Variants in OTUD7A observed in about 807,000 individuals in gnomAD.
The protein encoded by OTUD7A is OTU domain-containing protein 7A.
Under a neutral mutation model 65.7 loss-of-function variants are expected in OTUD7A, and 12 were observed. The observed-to-expected ratio is 0.18, with a 90% CI of 0.12 to 0.30. The LOEUF (loss-of-function observed/expected upper bound fraction) is 0.30. Ranked by LOEUF, OTUD7A falls within the 10% of genes least tolerant of loss-of-function variation. The pLI is 1.00. For synonymous variants in OTUD7A, 641 were observed against 586.3 expected, an observed-to-expected ratio of 1.09 and a Z score of -1.35; for missense variants, 1,148 against 1,304.8, an observed-to-expected ratio of 0.88 and a Z score of 1.85.
At chr15:31,536,527 A>G (rs896796292) in intron 5 of OTUD7A, among the ~76,000 whole-genome samples, 5 of 152,248 alleles carry the variant, frequency 3.3e-5, no homozygotes, top group African/African-American at 1.2e-4. Context: ...TTAATCAAAA[A>G]TTCTTTAAAA....
chr15:31,856,667 T>C (rs1897582835), intron 1 of OTUD7A, among the ~76,000 whole-genome samples: 2 of 152,198 alleles, frequency 1.3e-5, no homozygotes, highest in Admixed American at 1.3e-4. Context: ...CGGCTTCTTC[T>C]CAACCCCTCC....
At chr15:31,555,423 T>C (rs965559715) in intron 5 of OTUD7A, among the ~76,000 whole-genome samples, 1 of 152,234 alleles carries the variant, frequency 6.6e-6, no homozygotes, top group African/African-American at 2.4e-5. Context: ...ATAAAGATTC[T>C]AAGCACTAAG....
chr15:31,545,475 G>C (rs1354588781), intron 5 of OTUD7A, among the ~76,000 whole-genome samples: 2 of 152,012 alleles, frequency 1.3e-5, no homozygotes, highest in Non-Finnish European at 2.9e-5. Context: ...AGTGAAAAGG[G>C]AACCAGTAGG....
chr15:31,836,121 C>T (rs892571395), intron 1 of OTUD7A, among the ~76,000 whole-genome samples: 1 of 149,884 alleles, frequency 6.7e-6, no homozygotes, highest in Non-Finnish European at 1.5e-5. Flanking sequence ...CCTGTGATAA[C>T]ACCACCGAGA....
Position 31,756,627 on chromosome 15 carries a change from AACACACACACACACACACACACAC to A in OTUD7A, c.-99-99574_-99-99551del, listed in dbSNP as rs56792926. Among the ~76,000 whole-genome samples, 369 of 138,462 alleles carry A rather than the reference AACACACACACACACACACACACAC, an allele frequency of 2.7e-3. 1 individual carries two copies. The highest frequency in any genetic ancestry group is 6.2e-3 in the South Asian group (25 of 4,032). 90.8% of individuals were successfully genotyped at this position (138,462 alleles called of 152,430 possible). A position where few individuals can be genotyped will look rare whatever the true frequency, so the allele number is the denominator to read the frequency against. ...GAATGCATAAAAACCCAGTGTACCC[AACACACACACACACACACACACAC>A]ACACACACACACACACACACACACA... On this transcript the variant is annotated intron_variant, in intron 1 of 12. Transcript: ENST00000307050.
intron 8 of OTUD7A, among the ~76,000 whole-genome samples, chr15:31,508,134 G>A (rs59443429): frequency 0.015 from 2,237 of 152,266 alleles, 60 homozygotes; most frequent in African/African-American, 0.052. Context: ...ATAAGGAAAG[G>A]AAAGGAAGTA....
intron 8 of OTUD7A, among the ~76,000 whole-genome samples, chr15:31,520,894 C>T (rs576623139): frequency 5.3e-5 from 8 of 152,082 alleles, no homozygotes; most frequent in South Asian, 4.1e-4. Context: ...TGTCCATCAA[C>T]GTAGGATTAG....
chr15:31,727,426 T>TTC (rs1555411284), intron 1 of OTUD7A, among the ~76,000 whole-genome samples: 1 of 151,326 alleles, frequency 6.6e-6, no homozygotes, highest in Admixed American at 6.6e-5. Context: ...CTCCTTTTTT[T>TTC]CCCCACTGCT....
At chr15:31,840,445 AAAAAAT>A (rs953193192) in intron 1 of OTUD7A, among the ~76,000 whole-genome samples, 2 of 149,170 alleles carry the variant, frequency 1.3e-5, no homozygotes, top group African/African-American at 2.4e-5. Flanking sequence ...CTCAAAAATT[AAAAAAT>A]AAAAATAAAA....
At chr15:31,508,874 G>C (rs2141092184) in intron 8 of OTUD7A, among the ~76,000 whole-genome samples, 1 of 152,384 alleles carries the variant, frequency 6.6e-6, no homozygotes, top group South Asian at 2.1e-4. Flanking sequence ...TTAAGGTCTT[G>C]GCTTTTTTGT....
Position 31,481,118 on chromosome 15 carries a change from T to C in OTUD7A, c.*2176A>G, listed in dbSNP as rs2041111447. On this transcript the variant is annotated 3_prime_UTR_variant, in exon 13 of 13. Transcript: ENST00000307050. ...GGCAGATAGCGTGAGAAAGAAAATA[T>C]CTGAATTAGCATAGCCAGTTTTAGA... 1 of 152,270 alleles carries C rather than the reference T, an allele frequency of 6.6e-6. No homozygotes were observed. Among genetic ancestry groups the C allele is most frequent in the South Asian group, 2.1e-4 (1 of 4,836 alleles). The allele number at this position is 152,270 out of a possible 1,614,324, so 9.4% of individuals were successfully genotyped here.
chr15:31,725,068 C>G (rs2141353220), intron 1 of OTUD7A, among the ~76,000 whole-genome samples: 1 of 152,136 alleles, frequency 6.6e-6, no homozygotes, highest in East Asian at 1.9e-4. Flanking sequence ...TGGGACTGCT[C>G]CAGACACAAA....
intron 3 of OTUD7A, among the ~76,000 whole-genome samples, chr15:31,571,891 T>C (rs1051667957): frequency 3.3e-5 from 5 of 152,294 alleles, no homozygotes; most frequent in East Asian, 1.9e-4. Context: ...AATTCTAACA[T>C]GGATATTTTC....
chr15:31,861,180 G>A (rs1897732192), intron 1 of OTUD7A, among the ~76,000 whole-genome samples: 1 of 152,078 alleles, frequency 6.6e-6, no homozygotes. Context: ...GTAGGCAGCT[G>A]CGGTTCTTCA....
chr15:31,621,816 A>G lies in OTUD7A; in HGVS notation c.151+33280T>C, dbSNP rs534255128. Among the ~76,000 whole-genome samples, 18 of 150,138 alleles carry G rather than the reference A, an allele frequency of 1.2e-4. No individual in the cohort carries two copies. The South Asian group carries it at 3.4e-3, about 28-fold the overall frequency. Reference sequence around the variant, plus strand: ...AATCTGATACTGCCATTATGATGTTAGCTGGTTATTTTGCTCGTTAGTTGA... The same window carrying G: ...AATCTGATACTGCCATTATGATGTTGGCTGGTTATTTTGCTCGTTAGTTGA... On this transcript the variant is annotated intron_variant, in intron 3 of 12. Coordinates refer to ENST00000307050, the MANE Select transcript of OTUD7A (RefSeq NM_001382637.1).
chr15:31,736,929 C>G (rs1368523451), intron 1 of OTUD7A, among the ~76,000 whole-genome samples: 1 of 152,012 alleles, frequency 6.6e-6, no homozygotes, highest in African/African-American at 2.4e-5. Context: ...TCAAGTGATT[C>G]TCCTGCCTCA....
At chr15:31,501,552 C>A in intron 10 of OTUD7A, 138 bp downstream of exon 10, 1 of 1,068,724 alleles carries the variant, frequency 9.4e-7, no homozygotes, top group Non-Finnish European at 1.3e-6. Flanking sequence ...TATGCAAAAA[C>A]TGTCACTGCT....
chr15:31,689,111 T>A (rs1469530630), intron 1 of OTUD7A, among the ~76,000 whole-genome samples: 1 of 146,034 alleles, frequency 6.8e-6, no homozygotes, highest in Non-Finnish European at 1.5e-5. Context: ...ATAAATCAAG[T>A]CACTTGTCAA....
At chr15:31,738,941 C>T (rs1484578044) in intron 1 of OTUD7A, among the ~76,000 whole-genome samples, 1 of 152,210 alleles carries the variant, frequency 6.6e-6, no homozygotes, top group African/African-American at 2.4e-5. Context: ...TGCCACATGG[C>T]ATCAGATCAG....
Sources: allele counts gnomAD v4.1 joint callset (sites outside exome capture counted in the v4.1 genomes callset), GRCh38; gene constraint gnomAD v4.1.1; transcripts MANE v1.5; gene names NCBI Gene and HGNC (gene_info 2026-07-23, HGNC 2026-07-21).